Variants in ANGPTL4 observed in about 807,000 individuals in gnomAD.
ANGPTL4 encodes angiopoietin like 4.
A neutral mutation model predicts 39.2 loss-of-function variants in ANGPTL4; 39 were observed. The ratio of observed to expected loss-of-function variants is 1.00; its 90% CI spans 0.77 to 1.30. The LOEUF is 1.30. Ranked by LOEUF, ANGPTL4 falls within the 50% of genes most tolerant of loss-of-function variation. The pLI, the probability that ANGPTL4 is intolerant of heterozygous loss-of-function variation, is 0.00. For missense variants in ANGPTL4, 545 were observed against 549.8 expected, an observed-to-expected ratio of 0.99 and a Z score of 0.09; for synonymous variants, 233 against 229.5, an observed-to-expected ratio of 1.02 and a Z score of -0.14.
At chr19:8,370,167 C>T (rs963371444) in intron 4 of ANGPTL4, among the ~76,000 whole-genome samples, 2 of 151,994 alleles carry the variant, frequency 1.3e-5, no homozygotes, top group Non-Finnish European at 2.9e-5. Context: ...GACGCCACCG[C>T]ACTCCAGCCT....
At chr19:8,369,139 G>C in intron 3 of ANGPTL4, 80 bp from the exon 4 acceptor site, 2 of 1,116,876 alleles carry the variant, frequency 1.8e-6, no homozygotes, top group Non-Finnish European at 2.7e-6. Flanking sequence ...CCACTGTTAA[G>C]CCCCCAGATA....
chr19:8,366,023 C>G lies in ANGPTL4; in HGVS notation c.388C>G (p.Leu130Val). ...FHKVAQQQRH[L>V]EKQHLRIQHL... ...CAAGGTGGCCCAGCAGCAGCGGCAC[C>G]TGGAGAAGCAGCACCTGCGAATTCA... Residue 130 changes from leucine (L) to valine (V), a missense_variant, in exon 2 of 7, where the codon CTG becomes GTG. By Grantham distance (32) the Leu-to-Val change is conservative. Coordinates refer to ENST00000301455, the MANE Select transcript of ANGPTL4 (RefSeq NM_139314.3). 1 of 1,614,130 alleles carries G rather than the reference C, an allele frequency of 6.2e-7. No homozygotes were observed. Among genetic ancestry groups the G allele is most frequent in the Non-Finnish European group, 8.5e-7 (1 of 1,180,016 alleles).
At chr19:8,370,934 G>A (rs1971102708) in intron 4 of ANGPTL4, 122 bp from the exon 5 acceptor site, 1 of 1,065,530 alleles carries the variant, frequency 9.4e-7, no homozygotes, top group Admixed American at 2.0e-5. Context: ...GTCCTCCAGG[G>A]ATGAGTGAGG....
intron 6 of ANGPTL4, among the ~76,000 whole-genome samples, chr19:8,373,321 C>T (rs1971161153): frequency 6.6e-6 from 1 of 151,850 alleles, no homozygotes; most frequent in African/African-American, 2.4e-5. Flanking sequence ...ATGAGAATCC[C>T]TTGAACCTGG....
In ANGPTL4 at chr19:8,366,671, C is replaced by T. The variant is rs10407466; in HGVS notation, c.547+352C>T. 3.7e-3 allele frequency among the ~76,000 whole-genome samples: 565 copies of T among 152,126 alleles called. 2 individuals are homozygous for T. The highest frequency in any genetic ancestry group is 0.013 in the African/African-American group (539 of 41,510). On this transcript the variant is annotated intron_variant, in intron 3 of 6. Transcript: ENST00000301455. ...GGGGTGCCATCCTGAAGGTTAGAAC[C>T]TTCTAGGGGAGGGTGTCATGGAGGA...
Position 8,371,355 on chromosome 19 carries a change from T to C in ANGPTL4, c.872T>C (p.Val291Ala). Reference protein sequence around the residue: ...DGNAELLQFSVHLGGEDTAYS... With the variant: ...DGNAELLQFSAHLGGEDTAYS... ...AACGCCGAGTTGCTGCAGTTCTCCG[T>C]GCACCTGGGTGGCGAGGACACGGCC... Residue 291 changes from valine (V) to alanine (A), a missense_variant, in exon 6 of 7, where the codon GTG (valine) becomes GCG (alanine). Physicochemically the swap from Val to Ala is moderately conservative, Grantham distance 64. Coordinates refer to ENST00000301455, the MANE Select transcript of ANGPTL4 (RefSeq NM_139314.3). The surrounding 1 kb of genome is among the most constrained non-coding windows in gnomAD (Gnocchi z 5.1). 6.2e-7 allele frequency: 1 copy of C among 1,613,712 alleles called. No individual in the cohort carries two copies. Among genetic ancestry groups the C allele is most frequent in the Non-Finnish European group, 8.5e-7 (1 of 1,180,024 alleles).
At position 8,371,381 on chromosome 19, in the gene ANGPTL4, T is replaced by C; in HGVS notation, c.898T>C (p.Tyr300His). 1 of 1,613,622 alleles carries C rather than the reference T, an allele frequency of 6.2e-7. No individual in the cohort carries two copies. Among genetic ancestry groups the C allele is most frequent in the Non-Finnish European group, 8.5e-7 (1 of 1,180,014 alleles). The stretch of plus-strand genomic sequence containing the variant: ...GCACCTGGGTGGCGAGGACACGGCC[T>C]ATAGCCTGCAGCTCACTGCACCCGT... ...SVHLGGEDTA[Y>H]SLQLTAPVAG... is the part of the protein sequence containing the mutation. Residue 300 changes from tyrosine (Y) to histidine (H), a missense_variant, in exon 6 of 7, where the codon TAT becomes CAT. Physicochemically the swap from Tyr to His is moderately conservative, Grantham distance 83. Transcript: ENST00000301455. The surrounding 1 kb of genome is among the most constrained non-coding windows in gnomAD (Gnocchi z 5.1).
chr19:8,372,520 T>G (rs1971144106), intron 6 of ANGPTL4, among the ~76,000 whole-genome samples: 1 of 145,850 alleles, frequency 6.9e-6, no homozygotes, highest in Non-Finnish European at 1.5e-5. Flanking sequence ...AAAAAAAAAT[T>G]AGGCACGGTG....
chr19:8,369,166 C>G (rs1568216883), intron 3 of ANGPTL4, 53 bp from the exon 4 acceptor site: 3 of 1,420,908 alleles, frequency 2.1e-6, no homozygotes, highest in Non-Finnish European at 2.9e-6. Context: ...GCTCCTGAGA[C>G]CCCCCCCAGG....
Position 8,364,236 on chromosome 19 carries a change from CG to C in ANGPTL4, c.-84del. On this transcript the variant is annotated 5_prime_UTR_variant, in exon 1 of 7. Coordinates refer to ENST00000301455, the MANE Select transcript of ANGPTL4 (RefSeq NM_139314.3). ...TCTGCAACCAAGCGGGTCTTACCCC[CG>C]GTCCTCCGCGTCTCCAGTCCTCGCA... 1 of 1,384,166 alleles carries C rather than the reference CG, an allele frequency of 7.2e-7. No individual in the cohort carries two copies. The highest frequency in any genetic ancestry group is 1.3e-5 in the South Asian group (1 of 75,060). 85.7% of individuals were successfully genotyped at this position (1,384,166 alleles called of 1,614,324 possible). A position where few individuals can be genotyped will look rare whatever the true frequency, so the allele number is the denominator to read the frequency against.
chr19:8,373,953 G>C lies in ANGPTL4; in HGVS notation c.*67G>C. On this transcript the variant is annotated 3_prime_UTR_variant, in exon 7 of 7. Coordinates refer to ENST00000301455, the MANE Select transcript of ANGPTL4 (RefSeq NM_139314.3). Reference sequence around the variant, plus strand: ...ACTCTTGGCTCTGCCCGAGGATGTGGCCGTTCCCTGCCTGGGCAGGGGCTC... The same window carrying C: ...ACTCTTGGCTCTGCCCGAGGATGTGCCCGTTCCCTGCCTGGGCAGGGGCTC... The C allele has an allele frequency of 6.4e-7, 1 of 1,560,504 alleles. No individual in the cohort carries two copies. Among genetic ancestry groups the C allele is most frequent in the African/African-American group, 1.4e-5 (1 of 74,002 alleles).
Position 8,371,009 on chromosome 19 carries a change from C to T in ANGPTL4, c.662-47C>T, listed in dbSNP as rs773012073. On this transcript the variant is annotated intron_variant, in intron 4 of 6. Coordinates refer to ENST00000301455, the MANE Select transcript of ANGPTL4 (RefSeq NM_139314.3). This position sits in a 1 kb window ranked among gnomAD's most constrained non-coding sequence, Gnocchi z 5.1. ...TGGCAGCCAGATGAGGGAGTGGGGT[C>T]GTCTGTGAAGAGGGACTTCCTGGTG... The T allele has an allele frequency of 3.4e-5, 52 of 1,549,488 alleles. No homozygotes were observed. The highest frequency in any genetic ancestry group is 4.0e-5 in the Non-Finnish European group (46 of 1,144,306).
intron 3 of ANGPTL4, among the ~76,000 whole-genome samples, chr19:8,368,919 G>A (rs1237446730): frequency 1.3e-5 from 2 of 152,200 alleles, no homozygotes; most frequent in Non-Finnish European, 2.9e-5. Context: ...CCCTGTGGCA[G>A]GACGGTGTGT....
chr19:8,365,808 A>T (rs1185355400), intron 1 of ANGPTL4, 146 bp from the exon 2 acceptor site: 2 of 709,108 alleles, frequency 2.8e-6, no homozygotes, highest in African/African-American at 3.5e-5. Context: ...AGAGAACGAG[A>T]CCCCGTCATT....
chr19:8,365,260 C>G (rs1295391735), intron 1 of ANGPTL4, among the ~76,000 whole-genome samples: 1 of 151,940 alleles, frequency 6.6e-6, no homozygotes, highest in African/African-American at 2.4e-5. Context: ...AGTGGATCAC[C>G]TGAGGTCAGG....
intron 3 of ANGPTL4, among the ~76,000 whole-genome samples, chr19:8,368,673 A>G (rs915789418): frequency 6.6e-6 from 1 of 152,146 alleles, no homozygotes; most frequent in African/African-American, 2.4e-5. Flanking sequence ...TCTGGCCAAC[A>G]TGGTGAAACC....
Position 8,369,319 on chromosome 19 carries a change from C to T in ANGPTL4, c.648C>T (p.Cys216=), listed in dbSNP as rs746388842. 1.2e-6 allele frequency: 2 copies of T among 1,611,712 alleles called. No homozygotes were observed. The highest frequency in any genetic ancestry group is 1.7e-6 in the Non-Finnish European group (2 of 1,179,494). Residue 216 remains cysteine, a synonymous_variant, in exon 4 of 7, where the codon TGC becomes TGT. Transcript: ENST00000301455. ...PQGSPPFLVN[C]KMTSDGGWTV... ...GGTCTCCGCCATTTTTGGTGAACTGCAAGATGACCTCAGGTAGGGTGTGTT... is the reference window on the plus strand; with the variant it reads ...GGTCTCCGCCATTTTTGGTGAACTGTAAGATGACCTCAGGTAGGGTGTGTT...
intron 4 of ANGPTL4, among the ~76,000 whole-genome samples, chr19:8,370,702 A>T (rs1385488943): frequency 7.1e-6 from 1 of 141,290 alleles, no homozygotes; most frequent in East Asian, 2.0e-4. Flanking sequence ...TCCATCTCTA[A>T]AAAAAAAAAA....
At chr19:8,370,605 C>G (rs548257009) in intron 4 of ANGPTL4, among the ~76,000 whole-genome samples, 1 of 149,662 alleles carries the variant, frequency 6.7e-6, no homozygotes, top group South Asian at 2.1e-4. Context: ...GGGGCTGAAG[C>G]ACAAGAATCG....
Sources: allele counts gnomAD v4.1 joint callset (sites outside exome capture counted in the v4.1 genomes callset), GRCh38; gene constraint gnomAD v4.1.1; non-coding constraint Gnocchi (gnomAD v3.1); transcripts MANE v1.5; gene names NCBI Gene and HGNC (gene_info 2026-07-23, HGNC 2026-07-21).